The following PRTG variants were observed in gnomAD, a reference collection of about 807,000 sequenced individuals.
PRTG encodes the protein protogenin, also known as immunoglobulin superfamily, DCC subclass, member 5.
Under a neutral mutation model 122.5 loss-of-function variants are expected in PRTG, and 67 were observed. The observed-to-expected ratio is 0.55, with a 90% CI of 0.45 to 0.67. The LOEUF is 0.67. Among genes scored for constraint, PRTG ranks in the 30% least tolerant of loss-of-function variants. The probability of loss-of-function intolerance (pLI) is 0.00; values close to 1 mark genes in which losing one functional copy is unlikely to be tolerated. For missense variants in PRTG, 1,435 were observed against 1,415.4 expected, an observed-to-expected ratio of 1.01 and a Z score of -0.22; for synonymous variants, 554 against 501.1, an observed-to-expected ratio of 1.11 and a Z score of -1.41.
Position 55,614,270 on chromosome 15 carries a change from A to G in PRTG, c.*5742T>C, listed in dbSNP as rs762460294. ...CAAAAAAGAATGACAAGAAAGATCAAATTTCCTAGGAAATGTATATACATG... is the reference window on the plus strand; with the variant it reads ...CAAAAAAGAATGACAAGAAAGATCAGATTTCCTAGGAAATGTATATACATG... On this transcript the variant is annotated 3_prime_UTR_variant, in exon 20 of 20. Coordinates refer to ENST00000389286, the MANE Select transcript of PRTG (RefSeq NM_173814.6). 3.3e-5 allele frequency: 5 copies of G among 152,104 alleles called. No homozygotes were observed. Among genetic ancestry groups the G allele is most frequent in the Admixed American group, 1.3e-4 (2 of 15,262 alleles). The allele number at this position is 152,104 out of a possible 1,614,324, so 9.4% of individuals were successfully genotyped here. A position where few individuals can be genotyped will look rare whatever the true frequency, so the allele number is the denominator to read the frequency against.
At position 55,612,378 on chromosome 15, in the gene PRTG, T is replaced by C. The variant is rs924586332; in HGVS notation, c.*7634A>G. The stretch of plus-strand genomic sequence containing the variant: ...TATACCATGAACTACTTACAAGCTA[T>C]GAACTTAAGGAAATCTGCAAAGCTG... On this transcript the variant is annotated 3_prime_UTR_variant, in exon 20 of 20. Transcript: ENST00000389286. 2.6e-5 allele frequency: 4 copies of C among 151,930 alleles called. No individual in the cohort carries two copies. The highest frequency in any genetic ancestry group is 4.4e-5 in the Non-Finnish European group (3 of 67,930). The allele number at this position is 151,930 out of a possible 1,614,324, so 9.4% of individuals were successfully genotyped here. A position where few individuals can be genotyped will look rare whatever the true frequency, so the allele number is the denominator to read the frequency against.
rs34216536 is a variant in PRTG, at chr15:55,640,856, C to CAA, written c.2137+255_2137+256dup. Among the ~76,000 whole-genome samples, 64 of 139,218 alleles carry CAA rather than the reference C, an allele frequency of 4.6e-4. No homozygotes were observed. In the Middle Eastern group the frequency reaches 0.015, roughly 32 times the overall value. 91.3% of individuals were successfully genotyped at this position (139,218 alleles called of 152,430 possible). A position where few individuals can be genotyped will look rare whatever the true frequency, so the allele number is the denominator to read the frequency against. The stretch of plus-strand genomic sequence containing the variant: ...GAAAACCCCGTCTCTACTAAAAATA[C>CAA]AAAAAAAAAAAAATTAGCCAGGTGT... On this transcript the variant is annotated intron_variant, in intron 12 of 19. Coordinates refer to ENST00000389286, the MANE Select transcript of PRTG (RefSeq NM_173814.6).
chr15:55,737,663 C>T (rs1415959292), intron 2 of PRTG, among the ~76,000 whole-genome samples: 5 of 152,130 alleles, frequency 3.3e-5, no homozygotes, highest in African/African-American at 1.2e-4. Context: ...CCTTTTAACC[C>T]TGTGAATTCC....
chr15:55,691,404 T>C (rs533860134), intron 2 of PRTG, among the ~76,000 whole-genome samples: 36 of 151,822 alleles, frequency 2.4e-4, no homozygotes, highest in East Asian at 5.8e-4. Context: ...GTGTTAAGGC[T>C]GGGCACGGTG....
chr15:55,641,346 A>G, intron 11 of PRTG, 138 bp from the exon 12 acceptor site: 1 of 609,390 alleles, frequency 1.6e-6, no homozygotes, highest in Non-Finnish European at 2.9e-6. Flanking sequence ...ATTACTGCTC[A>G]TTGACTCAGC....
chr15:55,731,357 C>G (rs1366351107), intron 2 of PRTG, among the ~76,000 whole-genome samples: 3 of 143,618 alleles, frequency 2.1e-5, no homozygotes, highest in Non-Finnish European at 3.0e-5. Flanking sequence ...GAAATTACAC[C>G]TTATCATTCT....
At chr15:55,646,484 G>A (rs1015638141) in intron 11 of PRTG, among the ~76,000 whole-genome samples, 11 of 151,172 alleles carry the variant, frequency 7.3e-5, no homozygotes, top group East Asian at 4.0e-4. Flanking sequence ...CACCACGCCC[G>A]GCCAATTTTT....
rs943582675 is a variant in PRTG, at chr15:55,743,144, G to A, written c.-213C>T. On this transcript the variant is annotated 5_prime_UTR_variant, in exon 1 of 20. Transcript: ENST00000389286. Reference sequence around the variant, plus strand: ...GCAAGGGGCCTGAGAGTCCGGCTGGGGGCGGAGTGAGGCGGCGGCTGCAGA... The same window carrying A: ...GCAAGGGGCCTGAGAGTCCGGCTGGAGGCGGAGTGAGGCGGCGGCTGCAGA... The A allele has an allele frequency of 2.4e-6, 3 of 1,246,820 alleles. No individual in the cohort carries two copies. Among genetic ancestry groups the A allele is most frequent in the Middle Eastern group, 3.1e-4 (1 of 3,242 alleles). The allele number at this position is 1,246,820 out of a possible 1,614,324, so 77.2% of individuals were successfully genotyped here.
Position 55,679,941 on chromosome 15 carries a change from C to T in PRTG, c.973+113G>A, listed in dbSNP as rs565430240. The T allele has an allele frequency of 3.6e-5, 28 of 769,776 alleles. No homozygotes were observed. The East Asian group carries it at 6.9e-4, about 19-fold the overall frequency. 47.7% of individuals were successfully genotyped at this position (769,776 alleles called of 1,614,324 possible). A position where few individuals can be genotyped will look rare whatever the true frequency, so the allele number is the denominator to read the frequency against. On this transcript the variant is annotated intron_variant, in intron 6 of 19. Coordinates refer to ENST00000389286, the MANE Select transcript of PRTG (RefSeq NM_173814.6). ...TTTCCTGAAATTCATCATTTGATTA[C>T]AATACTTCATATCAATGCTACAAAG... is the stretch of plus-strand genomic sequence containing the variant.
chr15:55,629,802 A>G (rs2059217014), intron 15 of PRTG, among the ~76,000 whole-genome samples: 1 of 77,416 alleles, frequency 1.3e-5, no homozygotes, highest in African/African-American at 3.3e-5. Flanking sequence ...AAGCATGAAT[A>G]TATTTTTACT....
intron 11 of PRTG, 36 bp from the exon 12 acceptor site, chr15:55,641,244 G>T (rs1248868443): frequency 6.8e-7 from 1 of 1,476,454 alleles, no homozygotes; most frequent in Non-Finnish European, 9.5e-7. Flanking sequence ...TTAGGACCAG[G>T]TCTCTAGATC....
intron 11 of PRTG, among the ~76,000 whole-genome samples, chr15:55,658,441 G>A (rs7164032): frequency 0.024 from 3,628 of 151,866 alleles, 139 homozygotes; most frequent in African/African-American, 0.076. Context: ...TCAGCCTCCC[G>A]AGTAGCTGGG....
Position 55,618,102 on chromosome 15 carries a change from TTTG to T in PRTG, c.*1907_*1909del, listed in dbSNP as rs1388071725. The T allele has an allele frequency of 2.0e-5, 3 of 152,304 alleles. No individual in the cohort carries two copies. The South Asian group carries it at 6.2e-4, about 32-fold the overall frequency. The allele number at this position is 152,304 out of a possible 1,614,324, so 9.4% of individuals were successfully genotyped here. ...GACTGTTCACCTAAAGCTCTGCTTT[TTTG>T]TTTGTTTTGCGATGAATTCCGTACT... On this transcript the variant is annotated 3_prime_UTR_variant, in exon 20 of 20. Transcript: ENST00000389286.
chr15:55,675,372 AG>A, intron 9 of PRTG, 146 bp downstream of exon 9: 1 of 515,794 alleles, frequency 1.9e-6, no homozygotes, highest in Non-Finnish European at 3.3e-6. Context: ...ACTGGCAAAA[AG>A]CAAGAGTGAG....
At position 55,671,328 on chromosome 15, in the gene PRTG, CAGA is replaced by C. The variant is rs1201903189; in HGVS notation, c.2041+1114_2041+1116del. 5.9e-5 allele frequency among the ~76,000 whole-genome samples: 9 copies of C among 152,274 alleles called. No individual in the cohort carries two copies. In the East Asian group the frequency reaches 1.2e-3, roughly 20 times the overall value. ...GTGCTCTGTAAAATCCTAATATGTC[CAGA>C]AGGTGTAACAATTCAGTAGGTATTT... On this transcript the variant is annotated intron_variant, in intron 11 of 19. Coordinates refer to ENST00000389286, the MANE Select transcript of PRTG (RefSeq NM_173814.6).
chr15:55,742,530 A>C, intron 1 of PRTG: 3 of 265,982 alleles, frequency 1.1e-5, no homozygotes, highest in East Asian at 6.5e-5. Context: ...CAATGGCGCG[A>C]GAAGGAAGAG....
intron 2 of PRTG, among the ~76,000 whole-genome samples, chr15:55,721,283 T>A (rs2030813331): frequency 6.6e-6 from 1 of 152,230 alleles, no homozygotes; most frequent in South Asian, 2.1e-4. Flanking sequence ...CCTGTTCACC[T>A]GACTTCTGCT....
chr15:55,741,995 C>T (rs1370352699), intron 1 of PRTG, among the ~76,000 whole-genome samples: 1 of 152,220 alleles, frequency 6.6e-6, no homozygotes, highest in Non-Finnish European at 1.5e-5. Flanking sequence ...ACCCCATTCA[C>T]TTTACACTTT....
Position 55,742,856 on chromosome 15 carries a change from G to A in PRTG, c.76C>T (p.Leu26=). The A allele has an allele frequency of 6.5e-7, 1 of 1,539,608 alleles. No individual in the cohort carries two copies. Among genetic ancestry groups the A allele is most frequent in the Non-Finnish European group, 8.8e-7 (1 of 1,141,758 alleles). ...MLLRALLLLL[L]LSPLPGVWCF... ...CGCCCACCTGGCAAAGGACTGAGCA[G>A]CAGCAGGAGCAGGAGCGCGCGGAGC... Residue 26 remains leucine, a synonymous_variant, in exon 1 of 20, where the codon CTG becomes TTG. Transcript: ENST00000389286.
Sources: gnomAD v4.1 joint callset for allele counts (sites outside exome capture counted in the v4.1 genomes callset) on GRCh38, gnomAD v4.1.1 for gene constraint, MANE v1.5 for transcripts, NCBI Gene and HGNC (gene_info 2026-07-23, HGNC 2026-07-21) for gene names.